Variants in GUCY1A1 observed in about 807,000 individuals in gnomAD.
The protein encoded by GUCY1A1 is guanylate cyclase soluble subunit alpha-1.
GUCY1A1 carries 48 observed loss-of-function variants against 64.5 expected under a neutral mutation model. The observed-to-expected ratio is 0.74, with a 90% CI of 0.59 to 0.95. The LOEUF is 0.95. GUCY1A1 is among the 40% of genes least tolerant of loss of function. GUCY1A1 has a pLI of 0.00. For missense variants in GUCY1A1, 804 were observed against 825.3 expected (o/e 0.97, Z 0.32); for synonymous variants, 308 against 303.4 (o/e 1.02, Z -0.16).
At chr4:155,668,575 TC>T (rs1733681278) in intron 2 of GUCY1A1, among the ~76,000 whole-genome samples, 1 of 152,244 alleles carries the variant, frequency 6.6e-6, no homozygotes, top group African/African-American at 2.4e-5. Flanking sequence ...CGTCAAACTT[TC>T]CTGTTACATA....
intron 3 of GUCY1A1, among the ~76,000 whole-genome samples, chr4:155,697,463 T>C (rs370063777): frequency 8.7e-4 from 133 of 152,344 alleles, no homozygotes; most frequent in African/African-American, 3.1e-3. Flanking sequence ...TAATGAGTTT[T>C]AAGTGAAACC....
chr4:155,729,849 G>A (rs553096861), intron 9 of GUCY1A1, among the ~76,000 whole-genome samples, 181 bp from the exon 10 acceptor site: 184 of 151,778 alleles, frequency 1.2e-3, no homozygotes, highest in African/African-American at 4.1e-3. Context: ...TTTTCTTGTT[G>A]TGAATTGATT....
At chr4:155,686,641 G>A (rs1446999743) in intron 2 of GUCY1A1, among the ~76,000 whole-genome samples, 1 of 152,186 alleles carries the variant, frequency 6.6e-6, no homozygotes, top group Admixed American at 6.5e-5. Context: ...TTTAAGTTTG[G>A]TTGTTATGAG....
intron 2 of GUCY1A1, among the ~76,000 whole-genome samples, chr4:155,673,959 T>C (rs1360817281): frequency 2.0e-5 from 3 of 151,626 alleles, no homozygotes; most frequent in Admixed American, 1.3e-4. Flanking sequence ...ATTTTTACTA[T>C]TATACTGATA....
At chr4:155,707,694 A>T (rs568226267) in intron 4 of GUCY1A1, among the ~76,000 whole-genome samples, 7 of 152,258 alleles carry the variant, frequency 4.6e-5, no homozygotes, top group African/African-American at 1.7e-4. Flanking sequence ...GAAGAATAAC[A>T]AAACATTCTA....
intron 4 of GUCY1A1, among the ~76,000 whole-genome samples, chr4:155,707,548 A>C (rs1249796009): frequency 6.6e-6 from 1 of 152,102 alleles, no homozygotes; most frequent in African/African-American, 2.4e-5. Context: ...ATCAAAATTC[A>C]AACTTTGAAG....
At chr4:155,712,963 A>G in intron 6 of GUCY1A1, 135 bp from the exon 7 acceptor site, 1 of 689,398 alleles carries the variant, frequency 1.5e-6, no homozygotes, top group Non-Finnish European at 2.4e-6. Context: ...AATAGGAACT[A>G]TAAGAAAGCA....
At chr4:155,717,029 G>C in intron 7 of GUCY1A1, 130 bp from the exon 8 acceptor site, 1 of 617,960 alleles carries the variant, frequency 1.6e-6, no homozygotes, top group Non-Finnish European at 2.6e-6. Context: ...GGGCGTATCT[G>C]ATTAACCCTG....
At chr4:155,679,312 T>G (rs1735388350) in intron 2 of GUCY1A1, among the ~76,000 whole-genome samples, 1 of 152,204 alleles carries the variant, frequency 6.6e-6, no homozygotes, top group East Asian at 1.9e-4. Flanking sequence ...CGTAGTCTGT[T>G]TATTTTGCTA....
At chr4:155,722,224 T>A (rs1560965421) in intron 9 of GUCY1A1, 32 bp downstream of exon 9, 1 of 1,597,906 alleles carries the variant, frequency 6.3e-7, no homozygotes, top group Non-Finnish European at 8.5e-7. Flanking sequence ...TAAAATCTCT[T>A]GTTTTTATTT....
chr4:155,723,055 A>T (rs1055307974), intron 9 of GUCY1A1, among the ~76,000 whole-genome samples: 4 of 152,084 alleles, frequency 2.6e-5, no homozygotes, highest in African/African-American at 9.7e-5. Context: ...CACAAGATTG[A>T]TTTTTCTGGG....
intron 8 of GUCY1A1, 110 bp downstream of exon 8, chr4:155,717,412 GCAAAATCTATAT>G: frequency 1.7e-6 from 1 of 602,496 alleles, no homozygotes; most frequent in Non-Finnish European, 2.6e-6. Context: ...GAGAGAGAAA[GCAAAATCTATAT>G]AGAGAACACA....
At chr4:155,667,461 G>T (rs34374524) in intron 2 of GUCY1A1, 42 bp downstream of exon 2, 28,699 of 152,348 alleles carry the variant, frequency 0.19, 2,898 homozygotes, top group Middle Eastern at 0.27. Flanking sequence ...GGGTTCTTCA[G>T]ACAGGCGGTC....
At chr4:155,691,933 C>T (rs563746244) in intron 2 of GUCY1A1, among the ~76,000 whole-genome samples, 3 of 152,094 alleles carry the variant, frequency 2.0e-5, no homozygotes, top group African/African-American at 7.2e-5. Context: ...TTCTTGATCC[C>T]CTCCCTCCTT....
At chr4:155,705,903 C>A (rs1176517911) in intron 4 of GUCY1A1, among the ~76,000 whole-genome samples, 1 of 152,170 alleles carries the variant, frequency 6.6e-6, no homozygotes, top group African/African-American at 2.4e-5. Flanking sequence ...GAGAAGCATT[C>A]CAGAACACCT....
intron 2 of GUCY1A1, among the ~76,000 whole-genome samples, chr4:155,694,321 T>C (rs534434906): frequency 1.3e-5 from 2 of 152,036 alleles, no homozygotes; most frequent in Non-Finnish European, 2.9e-5. Flanking sequence ...GGCAGGAGGA[T>C]TGCTTGAGCC....
At position 155,704,007 on chromosome 4, in the gene GUCY1A1, CT is replaced by C; in HGVS notation, c.317+17del. 1 of 1,554,072 alleles carries C rather than the reference CT, an allele frequency of 6.4e-7. No individual in the cohort carries two copies. Among genetic ancestry groups the C allele is most frequent in the Non-Finnish European group, 8.8e-7 (1 of 1,131,480 alleles). On this transcript the variant is annotated intron_variant, in intron 4 of 9. Transcript: ENST00000506455. The stretch of plus-strand genomic sequence containing the variant: ...AAAAGAAAGCAGGTAAGTCAAACCA[CT>C]TTAGTTGTGTGAACCTCTTATTACA...
In GUCY1A1 at chr4:155,731,003, A is replaced by G. The variant is rs1169087239; in HGVS notation, c.*772A>G. The stretch of plus-strand genomic sequence containing the variant: ...ATTCCTATTAATTCATTTTACTATC[A>G]TAATAGCAAAGTATTCAGAATAAAA... On this transcript the variant is annotated 3_prime_UTR_variant, in exon 10 of 10. Coordinates refer to ENST00000506455, the MANE Select transcript of GUCY1A1 (RefSeq NM_001130682.3). 1 of 153,412 alleles carries G rather than the reference A, an allele frequency of 6.5e-6. No homozygotes were observed. Among genetic ancestry groups the G allele is most frequent in the African/African-American group, 2.4e-5 (1 of 41,420 alleles). 9.5% of individuals were successfully genotyped at this position (153,412 alleles called of 1,614,324 possible).
At chr4:155,723,117 A>G (rs760458166) in intron 9 of GUCY1A1, among the ~76,000 whole-genome samples, 12 of 152,102 alleles carry the variant, frequency 7.9e-5, no homozygotes, top group African/African-American at 9.7e-5. Flanking sequence ...AAAGTGATCC[A>G]AGGGCCTCAT....
Sources: gnomAD v4.1 joint callset for allele counts (sites outside exome capture counted in the v4.1 genomes callset) on GRCh38, gnomAD v4.1.1 for gene constraint, MANE v1.5 for transcripts, NCBI Gene and HGNC (gene_info 2026-07-23, HGNC 2026-07-21) for gene names.